LRRTM4: variants seen among roughly 807,000 people sequenced by gnomAD.
LRRTM4 encodes leucine rich repeat transmembrane neuronal 4.
A neutral mutation model predicts 47.6 loss-of-function variants in LRRTM4; 25 were observed. The observed-to-expected ratio is 0.53, with a 90% confidence interval of 0.38 to 0.73. The LOEUF is 0.73. Among genes scored for constraint, LRRTM4 ranks in the 30% least tolerant of loss-of-function variants. The probability of loss-of-function intolerance (pLI) is 0.00; values close to 1 mark genes in which losing one functional copy is unlikely to be tolerated. For missense variants in LRRTM4, 638 were observed against 713.4 expected, an observed-to-expected ratio of 0.89 and a Z score of 1.20; for synonymous variants, 311 against 269.5, an observed-to-expected ratio of 1.15 and a Z score of -1.51.
intron 3 of LRRTM4, among the ~76,000 whole-genome samples, chr2:77,480,412 A>G (rs1243011643): frequency 6.6e-6 from 1 of 152,144 alleles, no homozygotes; most frequent in African/African-American, 2.4e-5. Flanking sequence ...TAGTTTATTT[A>G]TCCGATTTTA....
intron 3 of LRRTM4, among the ~76,000 whole-genome samples, chr2:77,373,088 A>ATATATAT (rs1553435845): frequency 1.9e-4 from 26 of 140,356 alleles, no homozygotes; most frequent in Admixed American, 7.9e-4. Flanking sequence ...TTAAAAAAAA[A>ATATATAT]ATATATATAT....
intron 3 of LRRTM4, among the ~76,000 whole-genome samples, chr2:76,960,640 A>G (rs945460767): frequency 5.7e-5 from 8 of 141,446 alleles, no homozygotes; most frequent in African/African-American, 1.4e-4. Context: ...TCATTCAACA[A>G]TAATTTCCTG....
At chr2:77,448,246 ACCT>A (rs60975409) in intron 3 of LRRTM4, among the ~76,000 whole-genome samples, 9,364 of 152,006 alleles carry the variant, frequency 0.062, 898 homozygotes, top group African/African-American at 0.21. Flanking sequence ...GTAGGTTCTG[ACCT>A]CCTGTTCAGC....
intron 3 of LRRTM4, among the ~76,000 whole-genome samples, chr2:76,865,380 C>A (rs1573229577): frequency 6.6e-6 from 1 of 152,280 alleles, no homozygotes; most frequent in East Asian, 1.9e-4. Flanking sequence ...ACCAATGACA[C>A]CATTGGATTT....
At chr2:76,887,910 T>C (rs1349247986) in intron 3 of LRRTM4, among the ~76,000 whole-genome samples, 1 of 151,154 alleles carries the variant, frequency 6.6e-6, no homozygotes, top group Non-Finnish European at 1.5e-5. Context: ...AAAGTCCTAC[T>C]ATTTTTGTGA....
chr2:77,381,285 G>A (rs1673041497), intron 3 of LRRTM4, among the ~76,000 whole-genome samples: 1 of 151,924 alleles, frequency 6.6e-6, no homozygotes, highest in Non-Finnish European at 1.5e-5. Context: ...AGAAGTCAAT[G>A]GGCTTTCCAC....
chr2:77,405,858 T>C lies in LRRTM4; in HGVS notation c.1551+112460A>G, dbSNP rs577967979. 3.3e-5 allele frequency among the ~76,000 whole-genome samples: 5 copies of C among 152,268 alleles called. No individual in the cohort carries two copies. The South Asian group carries it at 8.3e-4, about 25-fold the overall frequency. ...ACTCTTCTCATTCAAGTAAGGTGTT[T>C]CTCTGTTGGTTTTCAAAATTTCTAT... On this transcript the variant is annotated intron_variant, in intron 3 of 3. Coordinates refer to ENST00000409884, the MANE Select transcript of LRRTM4 (RefSeq NM_001134745.3).
intron 3 of LRRTM4, among the ~76,000 whole-genome samples, chr2:77,089,572 C>T (rs1176595535): frequency 6.6e-6 from 1 of 151,616 alleles, no homozygotes; most frequent in South Asian, 2.1e-4. Context: ...AGGTAAGAAC[C>T]CCCGAACCCC....
At chr2:76,915,584 T>C (rs1261364837) in intron 3 of LRRTM4, among the ~76,000 whole-genome samples, 1 of 152,206 alleles carries the variant, frequency 6.6e-6, no homozygotes, top group African/African-American at 2.4e-5. Context: ...TAAATCTGAA[T>C]GTTTTATTTT....
chr2:77,081,884 A>G (rs1192385951), intron 3 of LRRTM4, among the ~76,000 whole-genome samples: 1 of 152,140 alleles, frequency 6.6e-6, no homozygotes, highest in East Asian at 1.9e-4. Context: ...AATCTATTAG[A>G]GAATCTACCA....
At chr2:76,842,301 C>T (rs771536123) in intron 3 of LRRTM4, among the ~76,000 whole-genome samples, 46 of 152,118 alleles carry the variant, frequency 3.0e-4, no homozygotes, top group Non-Finnish European at 4.7e-4. Flanking sequence ...CATACTACAC[C>T]GCTGGCTTTC....
intron 3 of LRRTM4, among the ~76,000 whole-genome samples, chr2:77,083,822 T>TTTTTTTTTTTTTTC (rs1558569872): frequency 1.7e-5 from 2 of 119,838 alleles, no homozygotes; most frequent in African/African-American, 7.1e-5. Flanking sequence ...TTTTTTTTTT[T>TTTTTTTTTTTTTTC]CAGACGGAGT....
intron 3 of LRRTM4, among the ~76,000 whole-genome samples, chr2:76,902,639 A>G (rs867920394): frequency 4.6e-5 from 7 of 152,310 alleles, no homozygotes; most frequent in South Asian, 2.1e-4. Flanking sequence ...GACAACATAA[A>G]GAGACTTTTC....
At chr2:77,518,191 A>G (rs1277413683) in intron 3 of LRRTM4, 127 bp downstream of exon 3, 2 of 1,348,606 alleles carry the variant, frequency 1.5e-6, no homozygotes, top group East Asian at 5.3e-5. Flanking sequence ...AACCTTTCAC[A>G]CTGAGCAAAA....
intron 3 of LRRTM4, among the ~76,000 whole-genome samples, chr2:77,516,274 T>A (rs1679205553): frequency 6.6e-6 from 1 of 151,910 alleles, no homozygotes; most frequent in African/African-American, 2.4e-5. Context: ...AATATCAAAA[T>A]GTGTTTATTT....
At position 77,372,158 on chromosome 2, in the gene LRRTM4, G is replaced by A. The variant is rs190250700; in HGVS notation, c.1551+146160C>T. On this transcript the variant is annotated intron_variant, in intron 3 of 3. Coordinates refer to ENST00000409884, the MANE Select transcript of LRRTM4 (RefSeq NM_001134745.3). ...CTTGTCTAACTTTGTGCAGGAGGAA[G>A]ACATTAGTTTTGTTATTCTGGTTAG... is the stretch of plus-strand genomic sequence containing the variant. Among the ~76,000 whole-genome samples the A allele has an allele frequency of 2.7e-4, 41 of 151,832 alleles. 1 individual carries two copies. The East Asian group carries it at 5.2e-3, about 19-fold the overall frequency.
intron 3 of LRRTM4, among the ~76,000 whole-genome samples, chr2:76,911,129 A>T (rs1573300931): frequency 6.6e-6 from 1 of 152,224 alleles, no homozygotes; most frequent in Non-Finnish European, 1.5e-5. Flanking sequence ...TGGTTTAATA[A>T]TTACTCATTT....
chr2:77,386,145 A>T (rs1573345100), intron 3 of LRRTM4, among the ~76,000 whole-genome samples: 1 of 116,704 alleles, frequency 8.6e-6, no homozygotes, highest in Non-Finnish European at 1.9e-5. Flanking sequence ...TCATAAAATC[A>T]TCCACAAAAA....
chr2:76,902,115 GA>G (rs1673657679), intron 3 of LRRTM4, among the ~76,000 whole-genome samples: 1 of 152,076 alleles, frequency 6.6e-6, no homozygotes, highest in Non-Finnish European at 1.5e-5. Flanking sequence ...GAATTTTATG[GA>G]AGAGAAAATA....
Sources: allele counts gnomAD v4.1 joint callset (sites outside exome capture counted in the v4.1 genomes callset), GRCh38; gene constraint gnomAD v4.1.1; transcripts MANE v1.5; gene names NCBI Gene and HGNC (gene_info 2026-07-23, HGNC 2026-07-21).